GUCY1A2: variants seen among roughly 807,000 people sequenced by gnomAD.
GUCY1A2 encodes the protein guanylate cyclase soluble subunit alpha-2.
A neutral mutation model predicts 63.5 loss-of-function variants in GUCY1A2; 27 were observed. The observed-to-expected ratio is 0.43, with a 90% CI of 0.31 to 0.59. The LOEUF is 0.59. Among genes scored for constraint, GUCY1A2 ranks in the 20% least tolerant of loss-of-function variants. The pLI is 0.11. For synonymous variants in GUCY1A2, 364 were observed against 343.5 expected, an observed-to-expected ratio of 1.06 and a Z score of -0.66; for missense variants, 768 against 913.3, an observed-to-expected ratio of 0.84 and a Z score of 2.05.
At chr11:106,947,772 A>T (rs760266359) in intron 3 of GUCY1A2, among the ~76,000 whole-genome samples, 2 of 152,056 alleles carry the variant, frequency 1.3e-5, no homozygotes, top group African/African-American at 2.4e-5. Context: ...AATCAATAAA[A>T]AGGAGCCTGC....
chr11:106,828,800 G>C (rs942861884), intron 4 of GUCY1A2, among the ~76,000 whole-genome samples: 1 of 152,220 alleles, frequency 6.6e-6, no homozygotes, highest in East Asian at 1.9e-4. Flanking sequence ...GTGGAGTTCA[G>C]TGGAATCCCA....
chr11:106,979,863 GA>G (rs1486610629), intron 2 of GUCY1A2, among the ~76,000 whole-genome samples: 2 of 152,176 alleles, frequency 1.3e-5, no homozygotes, highest in African/African-American at 4.8e-5. Context: ...AGAACAGAAA[GA>G]CTTCAAAATA....
intron 7 of GUCY1A2, among the ~76,000 whole-genome samples, chr11:106,703,052 A>G (rs1862845081): frequency 6.6e-6 from 1 of 152,128 alleles, no homozygotes; most frequent in South Asian, 2.1e-4. Context: ...CAGCCATAAT[A>G]AAACCAGGCA....
At position 106,685,232 on chromosome 11, in the gene GUCY1A2, C is replaced by G. The variant is rs1271788318; in HGVS notation, c.*2317G>C. The G allele has an allele frequency of 2.5e-5, 5 of 203,812 alleles. No individual in the cohort carries two copies. The highest frequency in any genetic ancestry group is 5.0e-5 in the Non-Finnish European group (5 of 99,466). The allele number at this position is 203,812 out of a possible 1,614,324, so 12.6% of individuals were successfully genotyped here. On this transcript the variant is annotated 3_prime_UTR_variant, in exon 8 of 8. Transcript: ENST00000526355. ...ATGGCAATGTAAATGGATACTTATTCTCTAAGTAAAATCATATAAACTAAT... is the reference window on the plus strand; with the variant it reads ...ATGGCAATGTAAATGGATACTTATTGTCTAAGTAAAATCATATAAACTAAT...
chr11:106,775,839 A>G (rs73549997), intron 6 of GUCY1A2, among the ~76,000 whole-genome samples: 2,896 of 152,276 alleles, frequency 0.019, 88 homozygotes, highest in African/African-American at 0.065. Flanking sequence ...TCAAGCAGAA[A>G]TATGGTAGAT....
In GUCY1A2 at chr11:106,955,608, G is replaced by GA. The variant is rs199692834; in HGVS notation, c.488-15431dup. 6.3e-3 allele frequency among the ~76,000 whole-genome samples: 953 copies of GA among 151,420 alleles called. 11 individuals carry two copies. The highest frequency in any genetic ancestry group is 0.022 in the African/African-American group (910 of 41,428). On this transcript the variant is annotated intron_variant, in intron 3 of 7. Transcript: ENST00000526355. ...AAATTCTGGGTTGAAAATTATTTAA[G>GA]ATATTAAATATTGGCCCCCAATCTT... is the stretch of plus-strand genomic sequence containing the variant.
chr11:106,737,145 C>T (rs545516888), intron 6 of GUCY1A2, among the ~76,000 whole-genome samples: 1 of 152,082 alleles, frequency 6.6e-6, no homozygotes, highest in East Asian at 1.9e-4. Flanking sequence ...AAAACAAGTA[C>T]AAAAAAAGAA....
intron 5 of GUCY1A2, among the ~76,000 whole-genome samples, chr11:106,797,666 T>C (rs992550029): frequency 2.6e-5 from 4 of 152,184 alleles, no homozygotes; most frequent in Non-Finnish European, 5.9e-5. Context: ...CCTGAATGAC[T>C]ACTGGGTACA....
intron 1 of GUCY1A2, among the ~76,000 whole-genome samples, chr11:107,002,018 C>CAA (rs142852537): frequency 6.0e-5 from 6 of 100,778 alleles, no homozygotes; most frequent in East Asian, 2.8e-4. Flanking sequence ...GACTCTGTCT[C>CAA]AAAAAAAAAA....
intron 6 of GUCY1A2, among the ~76,000 whole-genome samples, chr11:106,772,260 G>C (rs1334949376): frequency 6.6e-6 from 1 of 152,046 alleles, no homozygotes; most frequent in East Asian, 1.9e-4. Flanking sequence ...TTCAAAGTTT[G>C]GATTCAGTTT....
At chr11:107,000,417 AC>A (rs1861599028) in intron 1 of GUCY1A2, among the ~76,000 whole-genome samples, 1 of 152,220 alleles carries the variant, frequency 6.6e-6, no homozygotes, top group Non-Finnish European at 1.5e-5. Flanking sequence ...CTGTTCCATT[AC>A]AACCCAATCA....
chr11:107,017,735 C>T lies in GUCY1A2; in HGVS notation c.303+18G>A, dbSNP rs764825240. On this transcript the variant is annotated intron_variant, in intron 1 of 7. Coordinates refer to ENST00000526355, the MANE Select transcript of GUCY1A2 (RefSeq NM_000855.3). The stretch of plus-strand genomic sequence containing the variant: ...TTCTCTCCCCCGAAGGCGGTCCCCC[C>T]TTCCGCCCCCCGCTCACCGAGGGCG... The T allele has an allele frequency of 3.4e-5, 46 of 1,366,586 alleles. No homozygotes were observed. Among genetic ancestry groups the T allele is most frequent in the Middle Eastern group, 2.8e-4 (1 of 3,600 alleles). 84.7% of individuals were successfully genotyped at this position (1,366,586 alleles called of 1,614,324 possible).
At chr11:106,753,153 C>T (rs2135386446) in intron 6 of GUCY1A2, among the ~76,000 whole-genome samples, 1 of 152,318 alleles carries the variant, frequency 6.6e-6, no homozygotes. Flanking sequence ...CTGTTGGCTG[C>T]ATAAATGCCT....
At chr11:106,794,209 A>G (rs1157836762) in intron 5 of GUCY1A2, among the ~76,000 whole-genome samples, 1 of 152,102 alleles carries the variant, frequency 6.6e-6, no homozygotes, top group African/African-American at 2.4e-5. Context: ...ATGAATCTGG[A>G]GGACATTAAG....
In GUCY1A2 at chr11:106,681,284, T is replaced by G. The variant is rs1862427969; in HGVS notation, c.*6265A>C. The G allele has an allele frequency of 4.5e-6, 1 of 223,784 alleles. No homozygotes were observed. Among genetic ancestry groups the G allele is most frequent in the South Asian group, 1.8e-4 (1 of 5,460 alleles). The allele number at this position is 223,784 out of a possible 1,614,324, so 13.9% of individuals were successfully genotyped here. On this transcript the variant is annotated 3_prime_UTR_variant, in exon 8 of 8. Coordinates refer to ENST00000526355, the MANE Select transcript of GUCY1A2 (RefSeq NM_000855.3). ...TAATGAGCTCTTTTATCTTTACTCT[T>G]TCATCTTCCAAGACCATATCAAACC...
chr11:106,775,309 G>A (rs1034508528), intron 6 of GUCY1A2, among the ~76,000 whole-genome samples: 1 of 151,956 alleles, frequency 6.6e-6, no homozygotes, highest in African/African-American at 2.4e-5. Flanking sequence ...ACAACTAAAA[G>A]ATAAAAATAC....
rs183912866 is a variant in GUCY1A2, at chr11:106,711,431, T to C, written c.1837-2765A>G. On this transcript the variant is annotated intron_variant, in intron 6 of 7. Coordinates refer to ENST00000526355, the MANE Select transcript of GUCY1A2 (RefSeq NM_000855.3). ...TATCAGTAAAACTGCAAAATATAGA[T>C]ACTTTGAAAACATAGACTTTTATTT... Among the ~76,000 whole-genome samples the C allele has an allele frequency of 1.6e-3, 245 of 152,278 alleles. 3 individuals are homozygous for C. Among genetic ancestry groups the C allele is most frequent in the Middle Eastern group, 6.8e-3 (2 of 294 alleles).
chr11:106,979,717 A>G (rs182587596), intron 2 of GUCY1A2, among the ~76,000 whole-genome samples: 4 of 152,280 alleles, frequency 2.6e-5, no homozygotes, highest in African/African-American at 7.2e-5. Context: ...AAGACAAAAA[A>G]GCTGAGGACA....
At chr11:106,696,046 A>G (rs995707191) in intron 7 of GUCY1A2, among the ~76,000 whole-genome samples, 3 of 152,270 alleles carry the variant, frequency 2.0e-5, no homozygotes, top group South Asian at 4.2e-4. Context: ...AGTGTGCTTA[A>G]GTATAGGTTC....
Sources: gnomAD v4.1 joint callset for allele counts (sites outside exome capture counted in the v4.1 genomes callset) on GRCh38, gnomAD v4.1.1 for gene constraint, MANE v1.5 for transcripts, NCBI Gene and HGNC (gene_info 2026-07-23, HGNC 2026-07-21) for gene names.